The following GALNT13 variants were observed in gnomAD, a reference collection of about 807,000 sequenced individuals.
The protein encoded by GALNT13 is polypeptide N-acetylgalactosaminyltransferase 13.
A neutral mutation model predicts 64.2 loss-of-function variants in GALNT13; 28 were observed. The observed-to-expected ratio is 0.44, with a 90% CI of 0.32 to 0.60. The LOEUF (loss-of-function observed/expected upper bound fraction) is 0.60. Ranked by LOEUF, GALNT13 falls within the 20% of genes least tolerant of loss-of-function variation. The pLI, the probability that GALNT13 is intolerant of heterozygous loss-of-function variation, is 0.05. For missense variants in GALNT13, 577 were observed against 669.8 expected (o/e 0.86, Z 1.53); for synonymous variants, 214 against 224.6 (o/e 0.95, Z 0.42).
downstream of GALNT13, among the ~76,000 whole-genome samples, chr2:154,455,280 A>AACCATGTT (rs1702017251): frequency 6.6e-6 from 1 of 152,184 alleles, no homozygotes; most frequent in African/African-American, 2.4e-5. Flanking sequence ...ATCTGCTCAC[A>AACCATGTT]ACCATTTTAC....
At chr2:153,480,966 AT>A in the GALNT13 span, among the ~76,000 whole-genome samples, 1 of 152,176 alleles carries the variant, frequency 6.6e-6, no homozygotes. Flanking sequence ...TAGGAACAGT[AT>A]TGCTGTTTTC....
At chr2:153,126,256 T>G in the GALNT13 span, among the ~76,000 whole-genome samples, 2 of 148,360 alleles carry the variant, frequency 1.3e-5, no homozygotes, top group African/African-American at 2.5e-5. Context: ...TGTACTATTT[T>G]TGTAATCAAA....
At chr2:153,576,489 G>A in the GALNT13 span, among the ~76,000 whole-genome samples, 6 of 152,126 alleles carry the variant, frequency 3.9e-5, no homozygotes, top group Non-Finnish European at 5.9e-5. Context: ...CTCCATGGGC[G>A]GTTGTTAGGT....
chr2:153,997,905 T>C (rs540038447), intron 3 of GALNT13, among the ~76,000 whole-genome samples: 77 of 152,188 alleles, frequency 5.1e-4, no homozygotes, highest in Admixed American at 1.3e-3. Flanking sequence ...TTGGTTTTCT[T>C]TTCTTGTGTT....
the GALNT13 span, among the ~76,000 whole-genome samples, chr2:153,633,915 T>G: frequency 6.6e-6 from 1 of 152,208 alleles, no homozygotes; most frequent in Admixed American, 6.5e-5. Flanking sequence ...ACTGTCAATC[T>G]TTTCTTTTAA....
intron 3 of GALNT13, among the ~76,000 whole-genome samples, chr2:154,111,470 C>A (rs1017600873): frequency 2.0e-5 from 3 of 152,164 alleles, no homozygotes; most frequent in Non-Finnish European, 4.4e-5. Flanking sequence ...GGCCTGTTGA[C>A]CTAAAGGTAG....
chr2:154,151,306 A>C (rs890849881), intron 4 of GALNT13, among the ~76,000 whole-genome samples: 2 of 152,160 alleles, frequency 1.3e-5, no homozygotes, highest in African/African-American at 2.4e-5. Context: ...AGTTTGTTAT[A>C]ATTTCTGTTC....
At chr2:154,316,700 C>T (rs962535200) in intron 9 of GALNT13, among the ~76,000 whole-genome samples, 3 of 152,160 alleles carry the variant, frequency 2.0e-5, no homozygotes, top group Non-Finnish European at 4.4e-5. Flanking sequence ...CTCGTCAGCT[C>T]AGGTCTCTTT....
chr2:154,033,933 C>T (rs1227840099), intron 3 of GALNT13, among the ~76,000 whole-genome samples: 4 of 151,914 alleles, frequency 2.6e-5, no homozygotes, highest in African/African-American at 9.7e-5. Context: ...AGCAGGACTC[C>T]ATCTCAAAAA....
chr2:154,199,121 GTT>G (rs201517229), intron 4 of GALNT13, among the ~76,000 whole-genome samples: 1 of 150,386 alleles, frequency 6.6e-6, no homozygotes, highest in African/African-American at 2.4e-5. Context: ...AATTTCTTCT[GTT>G]TTTTTTTAAG....
At chr2:153,329,919 A>T in the GALNT13 span, among the ~76,000 whole-genome samples, 1 of 152,134 alleles carries the variant, frequency 6.6e-6, no homozygotes, top group Admixed American at 6.5e-5. Flanking sequence ...GGTCTTACGT[A>T]TGAATGTTTA....
At chr2:153,512,630 G>A in the GALNT13 span, among the ~76,000 whole-genome samples, 1 of 152,106 alleles carries the variant, frequency 6.6e-6, no homozygotes, top group African/African-American at 2.4e-5. Flanking sequence ...TAGGGTTACT[G>A]TGCAGAGTAA....
At chr2:154,021,289 G>T (rs866189312) in intron 3 of GALNT13, among the ~76,000 whole-genome samples, 1 of 152,112 alleles carries the variant, frequency 6.6e-6, no homozygotes, top group Non-Finnish European at 1.5e-5. Flanking sequence ...AATTACCTTG[G>T]GCAGTATGGC....
chr2:153,407,646 A>G, the GALNT13 span, among the ~76,000 whole-genome samples: 1 of 152,198 alleles, frequency 6.6e-6, no homozygotes, highest in Admixed American at 6.5e-5. Context: ...TTAGATTTAG[A>G]TAAGTTGTTT....
intron 3 of GALNT13, among the ~76,000 whole-genome samples, chr2:154,035,118 A>G (rs1358081969): frequency 3.9e-5 from 6 of 152,148 alleles, no homozygotes; most frequent in African/African-American, 1.4e-4. Context: ...TATGGAGTCA[A>G]CTAAGTGTTT....
the GALNT13 span, among the ~76,000 whole-genome samples, chr2:153,398,242 G>A: frequency 6.6e-6 from 1 of 152,082 alleles, no homozygotes; most frequent in African/African-American, 2.4e-5. Flanking sequence ...TCCCTACAAA[G>A]GACATAAACT....
At chr2:154,238,804 C>T (rs145655168) in intron 4 of GALNT13, among the ~76,000 whole-genome samples, 240 of 152,042 alleles carry the variant, frequency 1.6e-3, no homozygotes, top group African/African-American at 5.5e-3. Context: ...CAAGTTAACA[C>T]GTCTGCCAGC....
At chr2:154,433,781 T>G (rs1356105047) in intron 11 of GALNT13, among the ~76,000 whole-genome samples, 5 of 151,914 alleles carry the variant, frequency 3.3e-5, no homozygotes, top group Non-Finnish European at 7.4e-5. Context: ...GTACACCATG[T>G]TTTTCATTTA....
the GALNT13 span, among the ~76,000 whole-genome samples, chr2:153,399,294 G>T: frequency 6.6e-6 from 1 of 152,078 alleles, no homozygotes; most frequent in Non-Finnish European, 1.5e-5. Flanking sequence ...TCTCTGTTTT[G>T]GTGGCAGTAC....
Sources: gnomAD v4.1 joint callset for allele counts (sites outside exome capture counted in the v4.1 genomes callset) on GRCh38, gnomAD v4.1.1 for gene constraint, MANE v1.5 for transcripts, NCBI Gene and HGNC (gene_info 2026-07-23, HGNC 2026-07-21) for gene names.